NPSR1: variants seen among roughly 807,000 people sequenced by gnomAD.
NPSR1 encodes neuropeptide S receptor 1, also known as neuropeptide S receptor.
NPSR1 carries 48 observed loss-of-function variants against 46.9 expected under a neutral mutation model. That is an observed-to-expected ratio of 1.02 (90% confidence interval 0.81 to 1.30). The LOEUF is 1.30. NPSR1 is among the 50% of genes most tolerant of loss of function. NPSR1 has a pLI of 0.00. For missense variants in NPSR1, 450 were observed against 449.5 expected, an observed-to-expected ratio of 1.00 and a Z score of -0.01; for synonymous variants, 176 against 168.1, an observed-to-expected ratio of 1.05 and a Z score of -0.36.
At chr7:34,825,355 C>T (rs1789773727) in intron 4 of NPSR1, among the ~76,000 whole-genome samples, 1 of 152,150 alleles carries the variant, frequency 6.6e-6, no homozygotes, top group Non-Finnish European at 1.5e-5. Flanking sequence ...ACAGGTGACT[C>T]GATGTCTACA....
chr7:34,773,057 G>A (rs1163292707), intron 2 of NPSR1, among the ~76,000 whole-genome samples: 1 of 152,128 alleles, frequency 6.6e-6, no homozygotes, highest in Admixed American at 6.5e-5. Flanking sequence ...GCACAGAGGT[G>A]CAGATGAAGA....
intron 2 of NPSR1, chr7:34,685,714 T>C (rs1457209216): frequency 2.3e-6 from 1 of 427,410 alleles, no homozygotes; most frequent in African/African-American, 2.1e-5. Flanking sequence ...CATACATTGT[T>C]AGTAACCTGA....
At chr7:34,689,746 C>T (rs1793150366) in intron 2 of NPSR1, among the ~76,000 whole-genome samples, 1 of 151,232 alleles carries the variant, frequency 6.6e-6, no homozygotes, top group Non-Finnish European at 1.5e-5. Context: ...AATTCGTAAC[C>T]AACCTGGGCA....
At chr7:34,709,852 T>A (rs760327592) in intron 2 of NPSR1, among the ~76,000 whole-genome samples, 6 of 151,722 alleles carry the variant, frequency 4.0e-5, no homozygotes, top group South Asian at 2.1e-4. Context: ...TGACAGAATA[T>A]CCACCAAAAA....
chr7:34,682,293 G>A (rs1792682728), intron 1 of NPSR1, among the ~76,000 whole-genome samples: 1 of 152,204 alleles, frequency 6.6e-6, no homozygotes, highest in Non-Finnish European at 1.5e-5. Context: ...GAGACTGAAA[G>A]TATTTGATGG....
At chr7:34,741,803 G>A (rs1162955294) in intron 2 of NPSR1, among the ~76,000 whole-genome samples, 3 of 152,200 alleles carry the variant, frequency 2.0e-5, no homozygotes, top group African/African-American at 7.2e-5. Context: ...CTGGGGAAGA[G>A]GGGTGACAAG....
At chr7:34,869,658 T>C (rs777236053) in intron 8 of NPSR1, among the ~76,000 whole-genome samples, 3 of 151,778 alleles carry the variant, frequency 2.0e-5, no homozygotes, top group Non-Finnish European at 4.4e-5. Context: ...CATTCATTCA[T>C]TCATTTAACA....
chr7:34,681,421 C>T (rs1024562107), intron 1 of NPSR1, among the ~76,000 whole-genome samples: 8 of 152,212 alleles, frequency 5.3e-5, no homozygotes, highest in African/African-American at 1.9e-4. Context: ...CTTCACCCTA[C>T]ATCCATGAAC....
chr7:34,723,252 T>C (rs1296337373), intron 2 of NPSR1: 2 of 152,674 alleles, frequency 1.3e-5, no homozygotes, highest in Non-Finnish European at 2.9e-5. Context: ...TTACTATTTC[T>C]GGGAAGATTT....
intron 6 of NPSR1, among the ~76,000 whole-genome samples, chr7:34,843,563 G>A (rs913468034): frequency 1.1e-4 from 17 of 152,208 alleles, no homozygotes; most frequent in African/African-American, 4.1e-4. Flanking sequence ...CAGTTTTATG[G>A]AGAGTGTGTG....
intron 2 of NPSR1, among the ~76,000 whole-genome samples, chr7:34,754,133 C>T (rs1050290588): frequency 6.6e-6 from 1 of 151,850 alleles, no homozygotes; most frequent in Non-Finnish European, 1.5e-5. Flanking sequence ...TCCTCTTCTC[C>T]CCCTGTCCTT....
chr7:34,709,468 T>C (rs1783156624), intron 2 of NPSR1, among the ~76,000 whole-genome samples: 1 of 152,208 alleles, frequency 6.6e-6, no homozygotes, highest in Non-Finnish European at 1.5e-5. Flanking sequence ...ACATAGTCTG[T>C]ATAGCTAACT....
At chr7:34,771,783 T>G (rs1786696955) in intron 2 of NPSR1, among the ~76,000 whole-genome samples, 1 of 152,226 alleles carries the variant, frequency 6.6e-6, no homozygotes, top group South Asian at 2.1e-4. Flanking sequence ...CTAACCTTTC[T>G]TATTTTGTTC....
At chr7:34,874,500 C>A (rs569000229) in intron 8 of NPSR1, among the ~76,000 whole-genome samples, 1 of 152,182 alleles carries the variant, frequency 6.6e-6, no homozygotes, top group African/African-American at 2.4e-5. Flanking sequence ...TTAATGTTGT[C>A]CCCAGGTCCT....
chr7:34,713,738 G>T (rs1055713732), intron 2 of NPSR1, among the ~76,000 whole-genome samples: 2 of 152,276 alleles, frequency 1.3e-5, no homozygotes, highest in South Asian at 4.1e-4. Context: ...CATAGTCCGT[G>T]ACTGGGAGAT....
At position 34,708,010 on chromosome 7, in the gene NPSR1, T is replaced by C. The variant is rs148204344; in HGVS notation, c.280+23326T>C. Among the ~76,000 whole-genome samples, 312 of 152,334 alleles carry C rather than the reference T, an allele frequency of 2.0e-3. 1 individual carries two copies. Among genetic ancestry groups the C allele is most frequent in the African/African-American group, 7.2e-3 (300 of 41,580 alleles). ...ATGTCTGTATCCTAATCTTCTCTTC[T>C]TATGAGGACACCACCAGTTATACTG... On this transcript the variant is annotated intron_variant, in intron 2 of 8. Coordinates refer to ENST00000360581, the MANE Select transcript of NPSR1 (RefSeq NM_207172.2).
rs1300808500 is a variant in NPSR1, at chr7:34,658,244, G to A, written c.-169G>A. The A allele has an allele frequency of 6.3e-5, 42 of 665,128 alleles. No individual in the cohort carries two copies. Among genetic ancestry groups the A allele is most frequent in the South Asian group, 1.9e-4 (10 of 52,200 alleles). 41.2% of individuals were successfully genotyped at this position (665,128 alleles called of 1,614,324 possible). ...GTAATTGCCAAGGAGAGAGCAGCAC[G>A]TAGATCCTCCCTGTCATCAGGCAGA... On this transcript the variant is annotated 5_prime_UTR_variant, in exon 1 of 9. Coordinates refer to ENST00000360581, the MANE Select transcript of NPSR1 (RefSeq NM_207172.2).
chr7:34,865,264 T>C lies in NPSR1; in HGVS notation c.1026-12812T>C, dbSNP rs1791284968. ...GTTTGGAAGTTGTTTGTTTCACTGGTTAGCCTATCCTGCCTGATACACCCA... is the reference window on the plus strand; with the variant it reads ...GTTTGGAAGTTGTTTGTTTCACTGGCTAGCCTATCCTGCCTGATACACCCA... On this transcript the variant is annotated intron_variant, in intron 8 of 8. Coordinates refer to the NPSR1 transcript ENST00000359791. Among the ~76,000 whole-genome samples the C allele has an allele frequency of 2.0e-5, 3 of 151,872 alleles. No individual in the cohort carries two copies. The South Asian group carries it at 6.2e-4, about 31-fold the overall frequency.
chr7:34,816,099 C>T (rs1230816450), intron 4 of NPSR1, among the ~76,000 whole-genome samples: 2 of 151,366 alleles, frequency 1.3e-5, no homozygotes, highest in Non-Finnish European at 2.9e-5. Context: ...GCTAAATGCT[C>T]CAATTAAAAG....
Sources: allele counts gnomAD v4.1 joint callset (sites outside exome capture counted in the v4.1 genomes callset), GRCh38; gene constraint gnomAD v4.1.1; transcripts MANE v1.5; gene names NCBI Gene and HGNC (gene_info 2026-07-23, HGNC 2026-07-21).